BACH2: variants seen among roughly 807,000 people sequenced by gnomAD.
BACH2 encodes transcription regulator protein BACH2.
BACH2 carries 5 observed loss-of-function variants against 61.8 expected under a neutral mutation model. The ratio of observed to expected loss-of-function variants is 0.08; its 90% CI spans 0.04 to 0.17. The LOEUF is 0.17. Ranked by LOEUF, BACH2 falls within the 10% of genes least tolerant of loss-of-function variation. The pLI is 1.00. For missense variants in BACH2, 824 were observed against 1,091.1 expected (o/e 0.76, Z 3.45); for synonymous variants, 446 against 440.1 (o/e 1.01, Z -0.17).
At chr6:89,934,627 C>T (rs1007759245) in intron 8 of BACH2, among the ~76,000 whole-genome samples, 1 of 151,946 alleles carries the variant, frequency 6.6e-6, no homozygotes, top group Non-Finnish European at 1.5e-5. Flanking sequence ...CCACTGCACT[C>T]CAGTCTGGGC....
At chr6:90,245,985 C>T (rs1194254874) in intron 3 of BACH2, among the ~76,000 whole-genome samples, 1 of 152,128 alleles carries the variant, frequency 6.6e-6, no homozygotes, top group African/African-American at 2.4e-5. Context: ...AGGATGTCAG[C>T]AAGAGAAGCT....
At position 89,929,895 on chromosome 6, in the gene BACH2, T is replaced by C. The variant is rs1202393905; in HGVS notation, c.*2513A>G. 1 of 152,192 alleles carries C rather than the reference T, an allele frequency of 6.6e-6. No homozygotes were observed. Among genetic ancestry groups the C allele is most frequent in the Admixed American group, 6.6e-5 (1 of 15,250 alleles). The allele number at this position is 152,192 out of a possible 1,614,324, so 9.4% of individuals were successfully genotyped here. Reference sequence around the variant, plus strand: ...GAGAGGTCACTTGGAAAGGCAACAATAGAGTTAAAAAGCAAAATACTGTCA... The same window carrying C: ...GAGAGGTCACTTGGAAAGGCAACAACAGAGTTAAAAAGCAAAATACTGTCA... On this transcript the variant is annotated 3_prime_UTR_variant, in exon 9 of 9. Coordinates refer to ENST00000257749, the MANE Select transcript of BACH2 (RefSeq NM_021813.4).
At chr6:90,284,347 C>G (rs999237336) in intron 1 of BACH2, among the ~76,000 whole-genome samples, 5 of 152,334 alleles carry the variant, frequency 3.3e-5, no homozygotes, top group South Asian at 2.1e-4. Flanking sequence ...CCTGAGCTAG[C>G]TGCTCCACTC....
chr6:90,210,981 C>T (rs571151536), intron 3 of BACH2, among the ~76,000 whole-genome samples: 1 of 151,960 alleles, frequency 6.6e-6, no homozygotes, highest in African/African-American at 2.4e-5. Context: ...ATGGAAAAAC[C>T]TCATCTCTAC....
intron 4 of BACH2, among the ~76,000 whole-genome samples, chr6:90,203,689 A>C (rs1769037195): frequency 6.6e-6 from 1 of 152,182 alleles, no homozygotes; most frequent in African/African-American, 2.4e-5. Flanking sequence ...GTGTAAACCC[A>C]TGAGTTTGTT....
At chr6:90,271,763 A>T (rs1771532951) in intron 2 of BACH2, 86 bp downstream of exon 2, 1 of 152,342 alleles carries the variant, frequency 6.6e-6, no homozygotes, top group East Asian at 1.9e-4. Context: ...TCTGGTAAAA[A>T]GGGAACACTT....
At chr6:90,035,951 G>C (rs1237514780) in intron 5 of BACH2, among the ~76,000 whole-genome samples, 1 of 151,624 alleles carries the variant, frequency 6.6e-6, no homozygotes, top group African/African-American at 2.4e-5. Flanking sequence ...GCAGCATATG[G>C]AGACAATTTT....
intron 4 of BACH2, among the ~76,000 whole-genome samples, chr6:90,189,933 G>A (rs972054333): frequency 1.3e-5 from 2 of 151,558 alleles, no homozygotes; most frequent in Middle Eastern, 3.2e-3. Flanking sequence ...GTAGGAATTG[G>A]TCTATTAACT....
intron 4 of BACH2, among the ~76,000 whole-genome samples, chr6:90,103,470 C>T (rs1019990631): frequency 2.6e-5 from 4 of 152,082 alleles, no homozygotes; most frequent in Admixed American, 6.6e-5. Context: ...AATCGAGAAA[C>T]AATTTAGAAA....
intron 5 of BACH2, among the ~76,000 whole-genome samples, chr6:90,057,037 A>G (rs1230673881): frequency 6.6e-6 from 1 of 152,228 alleles, no homozygotes. Context: ...TCTAAAATTG[A>G]CACCCTAACG....
At chr6:90,243,952 C>T (rs1366945067) in intron 3 of BACH2, among the ~76,000 whole-genome samples, 2 of 152,150 alleles carry the variant, frequency 1.3e-5, no homozygotes, top group East Asian at 1.9e-4. Flanking sequence ...GACAGAGTCT[C>T]GCTCTGTTGC....
At chr6:89,959,255 C>T (rs1336512665) in intron 6 of BACH2, among the ~76,000 whole-genome samples, 1 of 152,016 alleles carries the variant, frequency 6.6e-6, no homozygotes, top group Non-Finnish European at 1.5e-5. Context: ...CAACTTTGGG[C>T]TGAAAAACAT....
intron 5 of BACH2, among the ~76,000 whole-genome samples, chr6:90,011,040 A>G (rs558582556): frequency 6.6e-6 from 1 of 152,218 alleles, no homozygotes; most frequent in African/African-American, 2.4e-5. Flanking sequence ...TTGTCTTTTG[A>G]TTCTCTTAAA....
At chr6:90,007,936 C>T (rs1345960985) in intron 6 of BACH2, among the ~76,000 whole-genome samples, 1 of 152,138 alleles carries the variant, frequency 6.6e-6, no homozygotes, top group Non-Finnish European at 1.5e-5. Flanking sequence ...CAAAGGATGA[C>T]CATTTAATGG....
intron 4 of BACH2, among the ~76,000 whole-genome samples, chr6:90,106,842 G>A (rs959024916): frequency 6.6e-6 from 1 of 152,192 alleles, no homozygotes; most frequent in East Asian, 1.9e-4. Context: ...CCTCCTTGTA[G>A]CCTAAAAACA....
intron 4 of BACH2, among the ~76,000 whole-genome samples, chr6:90,174,433 C>G (rs1263713942): frequency 6.6e-6 from 1 of 151,914 alleles, no homozygotes; most frequent in Admixed American, 6.6e-5. Flanking sequence ...AACCCTATAA[C>G]AAATACCATA....
At chr6:89,939,818 ATTAAATT>A (rs1209236921) in intron 7 of BACH2, among the ~76,000 whole-genome samples, 2 of 128,974 alleles carry the variant, frequency 1.6e-5, no homozygotes, top group Non-Finnish European at 3.2e-5. Context: ...TGCCCAGTTA[ATTAAATT>A]TTTTTTTTTT....
intron 6 of BACH2, among the ~76,000 whole-genome samples, chr6:89,956,963 A>G (rs1318466410): frequency 1.3e-5 from 2 of 152,162 alleles, no homozygotes; most frequent in Non-Finnish European, 2.9e-5. Context: ...CTTAATCACA[A>G]CTTCACAAAA....
At chr6:89,936,422 G>A (rs996117711) in intron 8 of BACH2, among the ~76,000 whole-genome samples, 3 of 152,172 alleles carry the variant, frequency 2.0e-5, no homozygotes, top group African/African-American at 7.2e-5. Context: ...GATTACAGGT[G>A]TGAGCCATGG....
Sources: allele counts gnomAD v4.1 joint callset (sites outside exome capture counted in the v4.1 genomes callset), GRCh38; gene constraint gnomAD v4.1.1; transcripts MANE v1.5; gene names NCBI Gene and HGNC (gene_info 2026-07-23, HGNC 2026-07-21).